FAM227A: variants seen among roughly 807,000 people sequenced by gnomAD.
The protein encoded by FAM227A is protein FAM227A.
Under a neutral mutation model 74.7 loss-of-function variants are expected in FAM227A, and 80 were observed. That is an observed-to-expected ratio of 1.07 (90% confidence interval 0.89 to 1.29). The LOEUF (loss-of-function observed/expected upper bound fraction) is 1.29, where lower values mean the gene tolerates loss of function less well. FAM227A is among the 50% of genes most tolerant of loss of function. FAM227A has a pLI of 0.00. For synonymous variants in FAM227A, 237 were observed against 241.8 expected, an observed-to-expected ratio of 0.98 and a Z score of 0.19; for missense variants, 654 against 683.4, an observed-to-expected ratio of 0.96 and a Z score of 0.48.
At chr22:38,614,098 C>T (rs1394824894) in intron 11 of FAM227A, among the ~76,000 whole-genome samples, 2 of 152,090 alleles carry the variant, frequency 1.3e-5, no homozygotes, top group African/African-American at 4.8e-5. Flanking sequence ...GGATTCTAGT[C>T]CATGCCTAAT....
At chr22:38,654,508 A>T (rs1470224264) in intron 1 of FAM227A, among the ~76,000 whole-genome samples, 6 of 152,026 alleles carry the variant, frequency 3.9e-5, no homozygotes, top group Admixed American at 2.0e-4. Context: ...AATTTGGTTA[A>T]TGTGACTGAA....
In FAM227A at chr22:38,638,784, A is replaced by T; in HGVS notation, c.334T>A (p.Ser112Thr). ...QRKSQYSCKG[S>T]ELRHARSSVI... ...GAAGATCTGGCATGTCTGAGTTCGG[A>T]GCCTTTGCAGGAATACTGAGATTTC... The change falls in exon 5 of 17, where the codon TCC (serine) becomes ACC (threonine). Residue 112 changes from serine to threonine, a missense_variant. Transcript: ENST00000535113. The T allele has an allele frequency of 6.5e-7, 1 of 1,541,342 alleles. No homozygotes were observed. Among genetic ancestry groups the T allele is most frequent in the South Asian group, 1.2e-5 (1 of 81,774 alleles).
At chr22:38,623,647 C>T (rs2091738808) in intron 9 of FAM227A, among the ~76,000 whole-genome samples, 1 of 152,176 alleles carries the variant, frequency 6.6e-6, no homozygotes, top group South Asian at 2.1e-4. Context: ...GGTCACAACA[C>T]ACAGGTGTGT....
intron 11 of FAM227A, among the ~76,000 whole-genome samples, chr22:38,617,478 G>T (rs2091603103): frequency 6.6e-6 from 1 of 151,978 alleles, no homozygotes; most frequent in Admixed American, 6.6e-5. Flanking sequence ...TGTATTTTTA[G>T]TAGAGATGGG....
intron 11 of FAM227A, among the ~76,000 whole-genome samples, chr22:38,609,100 T>C (rs1218534817): frequency 2.6e-5 from 4 of 152,168 alleles, no homozygotes; most frequent in Non-Finnish European, 5.9e-5. Flanking sequence ...GCCAAGATCC[T>C]TGTTCTTAGG....
Position 38,626,320 on chromosome 22 carries a change from G to C in FAM227A, c.727-17C>G. ...TGGCAGCCTCTGCGGAGCAAGCCGA[G>C]CTCAGGCAACGTTCTCAACATTTCC... On this transcript the variant is annotated splice_polypyrimidine_tract_variant and intron_variant, in intron 8 of 16. Transcript: ENST00000535113. 1 of 1,548,800 alleles carries C rather than the reference G, an allele frequency of 6.5e-7. No individual in the cohort carries two copies.
chr22:38,582,686 A>G lies in FAM227A; in HGVS notation c.*3439T>C. Reference sequence around the variant, plus strand: ...ACTGTGCAACAAATGGTCCTGACAGACAGAAATGCAGTTTGTCCTGGGCTT... The same window carrying G: ...ACTGTGCAACAAATGGTCCTGACAGGCAGAAATGCAGTTTGTCCTGGGCTT... On this transcript the variant is annotated 3_prime_UTR_variant, in exon 17 of 17. Transcript: ENST00000535113. 1.1e-6 allele frequency: 1 copy of G among 890,912 alleles called. No homozygotes were observed. The highest frequency in any genetic ancestry group is 1.7e-6 in the Non-Finnish European group (1 of 592,494). 55.2% of individuals were successfully genotyped at this position (890,912 alleles called of 1,614,324 possible).
Position 38,595,970 on chromosome 22 carries a change from AGG to A in FAM227A, c.1532+1232_1532+1233del, listed in dbSNP as rs5845387. On this transcript the variant is annotated intron_variant, in intron 15 of 16. Coordinates refer to ENST00000535113, the MANE Select transcript of FAM227A (RefSeq NM_001013647.2). ...CCATGTCATAAAAAAACAACTAATAAGGGGGGGGGGGCAGGATACTGTTATAG... is the reference window on the plus strand; with the variant it reads ...CCATGTCATAAAAAAACAACTAATAAGGGGGGGGGCAGGATACTGTTATAG... Among the ~76,000 whole-genome samples, 417 of 144,804 alleles carry A rather than the reference AGG, an allele frequency of 2.9e-3. 4 individuals carry two copies. The highest frequency in any genetic ancestry group is 6.9e-3 in the Middle Eastern group (2 of 290). The allele number at this position is 144,804 out of a possible 152,430, so 95.0% of individuals were successfully genotyped here.
chr22:38,628,082 T>C (rs2091846127), intron 8 of FAM227A, among the ~76,000 whole-genome samples, 156 bp downstream of exon 8: 1 of 152,248 alleles, frequency 6.6e-6, no homozygotes, highest in Non-Finnish European at 1.5e-5. Context: ...ATAGCTCTAC[T>C]GTATTTTTGT....
chr22:38,613,279 T>A (rs1197897123), intron 11 of FAM227A, among the ~76,000 whole-genome samples: 4 of 79,792 alleles, frequency 5.0e-5, no homozygotes, highest in African/African-American at 1.6e-4. Context: ...ATATTATATA[T>A]CATATATAAT....
In FAM227A at chr22:38,650,195, CA is replaced by C; in HGVS notation, c.-28del. 6.5e-7 allele frequency: 1 copy of C among 1,548,562 alleles called. No homozygotes were observed. The highest frequency in any genetic ancestry group is 8.7e-7 in the Non-Finnish European group (1 of 1,145,718). On this transcript the variant is annotated 5_prime_UTR_variant, in exon 2 of 17. Transcript: ENST00000535113. ...GTCCAATTTCTTGTAAATGGACAAA[CA>C]AAAAGCTTCCACTTTTAAGAGCCTC...
intron 6 of FAM227A, among the ~76,000 whole-genome samples, chr22:38,634,684 G>A (rs1342111719): frequency 2.0e-5 from 3 of 152,162 alleles, no homozygotes; most frequent in Non-Finnish European, 4.4e-5. Flanking sequence ...TGTAGGGAAC[G>A]TGATGCTCTG....
chr22:38,582,462 C>T lies in FAM227A; in HGVS notation c.*3663G>A, dbSNP rs2146084642. The T allele has an allele frequency of 6.5e-7, 1 of 1,527,372 alleles. No homozygotes were observed. The highest frequency in any genetic ancestry group is 2.5e-5 in the East Asian group (1 of 40,798). 94.6% of individuals were successfully genotyped at this position (1,527,372 alleles called of 1,614,324 possible). On this transcript the variant is annotated 3_prime_UTR_variant, in exon 17 of 17. Coordinates refer to ENST00000535113, the MANE Select transcript of FAM227A (RefSeq NM_001013647.2). ...TCATTTGCTTTATCCCACATTACAG[C>T]AAATGCTTTTTAAATGTTAGTTCCC...
intron 11 of FAM227A, among the ~76,000 whole-genome samples, chr22:38,615,320 G>A (rs948413935): frequency 1.9e-4 from 29 of 152,194 alleles, no homozygotes; most frequent in African/African-American, 6.5e-4. Flanking sequence ...CATCGCGCCC[G>A]GACAGAGTTT....
At chr22:38,604,924 A>G (rs1244707784) in intron 13 of FAM227A, among the ~76,000 whole-genome samples, 1 of 152,138 alleles carries the variant, frequency 6.6e-6, no homozygotes, top group Non-Finnish European at 1.5e-5. Context: ...AAGTGCTGGG[A>G]TTACAGGCAT....
intron 2 of FAM227A, among the ~76,000 whole-genome samples, chr22:38,649,724 C>T (rs894989274): frequency 6.6e-6 from 1 of 150,848 alleles, no homozygotes; most frequent in African/African-American, 2.4e-5. Context: ...AAATATTAGC[C>T]AGGTGTGGTG....
intron 14 of FAM227A, among the ~76,000 whole-genome samples, chr22:38,599,558 C>T (rs1365098456): frequency 6.6e-6 from 1 of 152,158 alleles, no homozygotes; most frequent in East Asian, 1.9e-4. Flanking sequence ...GGTCTCATGG[C>T]CAGTTCACGA....
chr22:38,631,969 GAC>G (rs920809634), intron 6 of FAM227A, among the ~76,000 whole-genome samples: 1 of 152,152 alleles, frequency 6.6e-6, no homozygotes, highest in Admixed American at 6.5e-5. Flanking sequence ...AAGGGGAGGA[GAC>G]ACAGGAAAGA....
At position 38,580,587 on chromosome 22, in the gene FAM227A, T is replaced by C. The variant is rs1262020175; in HGVS notation, c.*5538A>G. Reference sequence around the variant, plus strand: ...TTCATTAGGGGTTTCAAAATGGTGATATTTTAAGTCTATCATTATTTCTGA... The same window carrying C: ...TTCATTAGGGGTTTCAAAATGGTGACATTTTAAGTCTATCATTATTTCTGA... On this transcript the variant is annotated 3_prime_UTR_variant, in exon 17 of 17. Coordinates refer to ENST00000535113, the MANE Select transcript of FAM227A (RefSeq NM_001013647.2). The C allele has an allele frequency of 6.6e-6, 1 of 152,224 alleles. No homozygotes were observed. Among genetic ancestry groups the C allele is most frequent in the African/African-American group, 2.4e-5 (1 of 41,448 alleles). 9.4% of individuals were successfully genotyped at this position (152,224 alleles called of 1,614,324 possible).
Sources: allele counts gnomAD v4.1 joint callset (sites outside exome capture counted in the v4.1 genomes callset), GRCh38; gene constraint gnomAD v4.1.1; transcripts MANE v1.5; gene names NCBI Gene and HGNC (gene_info 2026-07-23, HGNC 2026-07-21).